EVC: variants seen among roughly 807,000 people sequenced by gnomAD.
The protein encoded by EVC is EvC ciliary complex subunit 1.
A neutral mutation model predicts 118.9 loss-of-function variants in EVC; 116 were observed. The observed-to-expected ratio is 0.98, with a 90% CI of 0.84 to 1.14. The LOEUF (loss-of-function observed/expected upper bound fraction) is 1.14, where lower values mean the gene tolerates loss of function less well. Among genes scored for constraint, EVC ranks in the 50% most tolerant of loss-of-function variants. The pLI, the probability that EVC is intolerant of heterozygous loss-of-function variation, is 0.00. For synonymous variants in EVC, 619 were observed against 534.7 expected (o/e 1.16, Z -2.18); for missense variants, 1,401 against 1,246.4 (o/e 1.12, Z -1.87).
the EVC span, among the ~76,000 whole-genome samples, chr4:5,827,486 C>G: frequency 5.9e-5 from 9 of 152,128 alleles, no homozygotes; most frequent in Non-Finnish European, 1.2e-4. Context: ...CGGGCTGGAG[C>G]CTGGGAATGC....
chr4:5,766,804 T>TG (rs1487450808), intron 11 of EVC, among the ~76,000 whole-genome samples: 8 of 143,616 alleles, frequency 5.6e-5, no homozygotes, highest in Admixed American at 6.9e-5. Flanking sequence ...TATACATTCA[T>TG]CTAAATTTTT....
At chr4:5,767,098 T>G (rs1490420041) in intron 11 of EVC, among the ~76,000 whole-genome samples, 3 of 150,814 alleles carry the variant, frequency 2.0e-5, no homozygotes, top group Admixed American at 2.0e-4. Context: ...GTCCTTTCTG[T>G]TTGTTAGTTT....
At chr4:5,793,522 C>A in intron 12 of EVC, 86 bp from the exon 13 acceptor site, 3 of 1,177,212 alleles carry the variant, frequency 2.5e-6, no homozygotes, top group Non-Finnish European at 3.7e-6. Flanking sequence ...CGCACACAAA[C>A]AAGAAACAAA....
At chr4:5,785,205 C>T (rs1299728417) in intron 12 of EVC, among the ~76,000 whole-genome samples, 1 of 152,200 alleles carries the variant, frequency 6.6e-6, no homozygotes, top group East Asian at 1.9e-4. Flanking sequence ...CATGGGAGGC[C>T]TGGAGGTGCA....
intron 2 of EVC, among the ~76,000 whole-genome samples, chr4:5,722,227 C>T (rs541090537): frequency 1.2e-4 from 19 of 152,248 alleles, no homozygotes; most frequent in Non-Finnish European, 1.5e-4. Flanking sequence ...GTTCCTGCCA[C>T]GGAATAAGTG....
rs1553860016 is a variant in EVC, at chr4:5,715,740, C to CCTTTTTTTTT, written c.175-3508_175-3507insCTTTTTTTTT. Reference sequence around the variant, plus strand: ...AATTTCGAAGGCATTTTTCCATTGTCTTTTTTTTTTTTTTTTTTTTTGAGA... The same window carrying CCTTTTTTTTT: ...AATTTCGAAGGCATTTTTCCATTGTCCTTTTTTTTTTTTTTTTTTTTTTTTTTTTTTGAGA... On this transcript the variant is annotated intron_variant, in intron 1 of 20. Coordinates refer to ENST00000264956, the MANE Select transcript of EVC (RefSeq NM_153717.3). 2.1e-4 allele frequency among the ~76,000 whole-genome samples: 15 copies of CCTTTTTTTTT among 71,016 alleles called. 6 individuals carry two copies. The highest frequency in any genetic ancestry group is 3.7e-4 in the East Asian group (1 of 2,682). The allele number at this position is 71,016 out of a possible 152,430, so 46.6% of individuals were successfully genotyped here.
chr4:5,754,599 C>A lies in EVC; in HGVS notation c.1464+666C>A, dbSNP rs1421793540. On this transcript the variant is annotated intron_variant, in intron 10 of 20. Coordinates refer to ENST00000264956, the MANE Select transcript of EVC (RefSeq NM_153717.3). The surrounding 1 kb of genome is among the most constrained non-coding windows in gnomAD (Gnocchi z 5.8). ...TCTGCTTGCTTTCACTAGTAATGGG[C>A]AGTGGGGCTGGGAGAGGACCAGCTT... 6.6e-6 allele frequency among the ~76,000 whole-genome samples: 1 copy of A among 152,028 alleles called. No homozygotes were observed. Among genetic ancestry groups the A allele is most frequent in the African/African-American group, 2.4e-5 (1 of 41,414 alleles).
Position 5,731,341 on chromosome 4 carries a change from G to A in EVC, c.385-84G>A, listed in dbSNP as rs1871586. The A allele has an allele frequency of 3.3e-5, 39 of 1,186,166 alleles. No homozygotes were observed. The highest frequency in any genetic ancestry group is 4.3e-5 in the Non-Finnish European group (34 of 791,184). 73.5% of individuals were successfully genotyped at this position (1,186,166 alleles called of 1,614,324 possible). ...GCAGACCTTCCTGTGAGCGGCTAGC[G>A]TGAATCACTGGTAGAATTATGAATA... On this transcript the variant is annotated intron_variant, in intron 3 of 20. Coordinates refer to ENST00000264956, the MANE Select transcript of EVC (RefSeq NM_153717.3). This position sits in a 1 kb window ranked among gnomAD's most constrained non-coding sequence, Gnocchi z 5.6.
At chr4:5,711,682 A>G in intron 1 of EVC, 128 bp downstream of exon 1, 1 of 807,326 alleles carries the variant, frequency 1.2e-6, no homozygotes, top group Middle Eastern at 5.8e-4. Context: ...GCAACCGCTT[A>G]GGCGTCGGGT....
At chr4:5,727,823 A>C (rs1199491851) in intron 2 of EVC, among the ~76,000 whole-genome samples, 1 of 147,866 alleles carries the variant, frequency 6.8e-6, no homozygotes, top group African/African-American at 2.5e-5. Flanking sequence ...CATTTATTAA[A>C]TAGGGAATCC....
At chr4:5,792,675 A>G (rs1713017013) in intron 12 of EVC, among the ~76,000 whole-genome samples, 1 of 152,206 alleles carries the variant, frequency 6.6e-6, no homozygotes. Context: ...GTCTCTATTG[A>G]AAAGCCAAAA....
chr4:5,729,176 C>T lies in EVC; in HGVS notation c.301-131C>T, dbSNP rs551355296. The T allele has an allele frequency of 8.7e-5, 70 of 806,740 alleles. No homozygotes were observed. The African/African-American group carries it at 9.4e-4, about 11-fold the overall frequency. The allele number at this position is 806,740 out of a possible 1,614,324, so 50.0% of individuals were successfully genotyped here. A position where few individuals can be genotyped will look rare whatever the true frequency, so the allele number is the denominator to read the frequency against. ...CTGGCAAGGAAGAGCTAATATGAAT[C>T]TAAATGTGCCTATCATGGTCCCTTT... On this transcript the variant is annotated intron_variant, in intron 2 of 20. Coordinates refer to ENST00000264956, the MANE Select transcript of EVC (RefSeq NM_153717.3).
Position 5,748,179 on chromosome 4 carries a change from T to C in EVC, c.971T>C (p.Ile324Thr). ...MEAFWKQMAN[I>T]QHFLVDQFKC... ...GCTTTCTGGAAACAGATGGCAAATATCCAGCACTTTCTTGTGGACCAGTTT... is the reference window on the plus strand; with the variant it reads ...GCTTTCTGGAAACAGATGGCAAATACCCAGCACTTTCTTGTGGACCAGTTT... The change falls in exon 8 of 21, where the codon ATC becomes ACC. Residue 324 changes from isoleucine (I) to threonine (T), a missense_variant. Ile to Thr is a moderately conservative substitution (Grantham distance 89). Coordinates refer to ENST00000264956, the MANE Select transcript of EVC (RefSeq NM_153717.3). 2 of 1,614,210 alleles carry C rather than the reference T, an allele frequency of 1.2e-6. No homozygotes were observed. Among genetic ancestry groups the C allele is most frequent in the South Asian group, 1.1e-5 (1 of 91,084 alleles).
chr4:5,828,153 C>A, the EVC span: 3 of 985,324 alleles, frequency 3.0e-6, no homozygotes, highest in African/African-American at 1.7e-5. Flanking sequence ...AGGAGGATCA[C>A]AGCACCTCCC....
intron 11 of EVC, among the ~76,000 whole-genome samples, chr4:5,776,407 T>TA (rs1560387903): frequency 2.0e-5 from 3 of 152,166 alleles, no homozygotes; most frequent in African/African-American, 7.2e-5. Flanking sequence ...ATTCATTCTT[T>TA]AAAAAATATT....
At chr4:5,764,290 T>C (rs1474982035) in intron 11 of EVC, among the ~76,000 whole-genome samples, 1 of 139,672 alleles carries the variant, frequency 7.2e-6, no homozygotes, top group East Asian at 2.1e-4. Flanking sequence ...GATGTGCTGC[T>C]GGATTCGGTT....
intron 1 of EVC, among the ~76,000 whole-genome samples, chr4:5,712,793 C>CT (rs1013351532): frequency 6.6e-5 from 10 of 152,158 alleles, no homozygotes; most frequent in Non-Finnish European, 1.5e-4. Flanking sequence ...TTAAGAGACA[C>CT]TAAGAGATGC....
intron 1 of EVC, among the ~76,000 whole-genome samples, chr4:5,718,768 T>C (rs185566076): frequency 6.6e-6 from 1 of 152,342 alleles, no homozygotes; most frequent in Admixed American, 6.5e-5. Context: ...GAGCATTCAT[T>C]GTAGTTCAGA....
At chr4:5,766,574 C>T (rs7666274) in intron 11 of EVC, among the ~76,000 whole-genome samples, 2,022 of 124,536 alleles carry the variant, frequency 0.016, 83 homozygotes, top group African/African-American at 0.06. Context: ...TTCACATAGT[C>T]CCATATTTCT....
Sources: gnomAD v4.1 joint callset for allele counts (sites outside exome capture counted in the v4.1 genomes callset) on GRCh38, gnomAD v4.1.1 for gene constraint, Gnocchi (gnomAD v3.1) non-coding constraint, MANE v1.5 for transcripts, NCBI Gene and HGNC (gene_info 2026-07-23, HGNC 2026-07-21) for gene names.